Variants in FGGY observed in about 807,000 individuals in gnomAD.
FGGY encodes the protein FGGY carbohydrate kinase domain-containing protein.
In FGGY, 72 loss-of-function variants were observed where a neutral mutation model predicts 71.3. That is an observed-to-expected ratio of 1.01 (90% CI 0.84 to 1.23). FGGY has a LOEUF of 1.23. Ranked by LOEUF, FGGY falls within the 50% of genes most tolerant of loss-of-function variation. FGGY has a pLI of 0.00. For missense variants in FGGY, 668 were observed against 682.3 expected (o/e 0.98, Z 0.23); for synonymous variants, 251 against 250.3 (o/e 1.00, Z -0.02).
chr1:59,609,787 G>A (rs376649440), intron 9 of FGGY, among the ~76,000 whole-genome samples: 1 of 152,186 alleles, frequency 6.6e-6, no homozygotes, highest in South Asian at 2.1e-4. Context: ...CAAAGTAAAT[G>A]GAAGCATAGG....
intron 7 of FGGY, among the ~76,000 whole-genome samples, chr1:59,520,610 T>C (rs1170904048): frequency 6.6e-6 from 1 of 152,222 alleles, no homozygotes; most frequent in Non-Finnish European, 1.5e-5. Context: ...GAAATCCACA[T>C]AGCTGGTCTT....
At chr1:59,430,211 C>G (rs879495785) in intron 5 of FGGY, among the ~76,000 whole-genome samples, 1 of 152,126 alleles carries the variant, frequency 6.6e-6, no homozygotes, top group African/African-American at 2.4e-5. Context: ...AATTACTTGG[C>G]TTTTTCTGCC....
chr1:59,645,297 A>G (rs943325384), intron 11 of FGGY, among the ~76,000 whole-genome samples: 3 of 152,154 alleles, frequency 2.0e-5, no homozygotes, highest in South Asian at 2.1e-4. Context: ...CAGCACAACA[A>G]TGCCCTTGAA....
intron 5 of FGGY, among the ~76,000 whole-genome samples, chr1:59,447,427 A>G (rs2071542018): frequency 6.6e-6 from 1 of 152,186 alleles, no homozygotes; most frequent in Non-Finnish European, 1.5e-5. Context: ...GCCTGCAAAA[A>G]AGCAGATACT....
chr1:59,520,522 G>A (rs1485136859), intron 7 of FGGY, among the ~76,000 whole-genome samples: 1 of 152,136 alleles, frequency 6.6e-6, no homozygotes, highest in Non-Finnish European at 1.5e-5. Flanking sequence ...TCTCTATGCT[G>A]TATCTGTGAA....
chr1:59,601,820 A>C (rs72919617), intron 8 of FGGY, among the ~76,000 whole-genome samples: 11,367 of 152,286 alleles, frequency 0.075, 742 homozygotes, highest in African/African-American at 0.18. Context: ...CTGAATACTT[A>C]ATCAGCTAAT....
chr1:59,422,484 C>T (rs144138347), intron 5 of FGGY, among the ~76,000 whole-genome samples: 1,722 of 152,166 alleles, frequency 0.011, 38 homozygotes, highest in African/African-American at 0.04. Context: ...TGCTTGAGCC[C>T]AGGAGTTTGA....
intron 9 of FGGY, among the ~76,000 whole-genome samples, chr1:59,614,059 T>C (rs193174475): frequency 6.8e-4 from 104 of 152,316 alleles, no homozygotes; most frequent in Non-Finnish European, 1.6e-4. Flanking sequence ...AGCCGAATTC[T>C]ACCAGAGGTA....
At chr1:59,438,950 T>G (rs2069128302) in intron 5 of FGGY, among the ~76,000 whole-genome samples, 1 of 152,206 alleles carries the variant, frequency 6.6e-6, no homozygotes, top group East Asian at 1.9e-4. Context: ...GTTCTGCATC[T>G]TTGTCTATAA....
intron 8 of FGGY, among the ~76,000 whole-genome samples, chr1:59,573,675 T>C (rs889917688): frequency 2.0e-5 from 3 of 152,194 alleles, no homozygotes; most frequent in African/African-American, 7.2e-5. Flanking sequence ...GTGAAGGCCA[T>C]GCTTATATTT....
At chr1:59,671,379 G>T (rs1285349550) in intron 13 of FGGY, among the ~76,000 whole-genome samples, 2 of 152,234 alleles carry the variant, frequency 1.3e-5, no homozygotes, top group African/African-American at 4.8e-5. Context: ...CCACCCCTGG[G>T]CTCACAAGGG....
At chr1:59,464,606 A>G (rs1382889710) in intron 6 of FGGY, among the ~76,000 whole-genome samples, 1 of 152,208 alleles carries the variant, frequency 6.6e-6, no homozygotes, top group Non-Finnish European at 1.5e-5. Context: ...AAGATCAACA[A>G]AATTGATAGA....
intron 11 of FGGY, among the ~76,000 whole-genome samples, chr1:59,647,890 C>T (rs1271020790): frequency 1.0e-5 from 1 of 96,452 alleles, no homozygotes; most frequent in East Asian, 3.5e-4. Flanking sequence ...CAATGCTATC[C>T]CTCCCCCCTC....
intron 15 of FGGY, among the ~76,000 whole-genome samples, chr1:59,758,612 G>A (rs1403707373): frequency 6.6e-6 from 1 of 152,210 alleles, no homozygotes; most frequent in Non-Finnish European, 1.5e-5. Flanking sequence ...TTTGGGAGGA[G>A]GTTATGTCCA....
chr1:59,557,260 CA>C (rs1313727909), intron 8 of FGGY, among the ~76,000 whole-genome samples: 1 of 152,064 alleles, frequency 6.6e-6, no homozygotes, highest in Non-Finnish European at 1.5e-5. Flanking sequence ...GCGGGCTTTT[CA>C]AAAAGTGGTT....
At chr1:59,462,559 T>C (rs922207637) in intron 6 of FGGY, among the ~76,000 whole-genome samples, 5 of 152,192 alleles carry the variant, frequency 3.3e-5, no homozygotes, top group African/African-American at 1.2e-4. Context: ...AACCTACTTA[T>C]CTGACAAGGG....
chr1:59,437,402 G>A lies in FGGY; in HGVS notation c.555-19559G>A, dbSNP rs543845741. Among the ~76,000 whole-genome samples, 38 of 152,348 alleles carry A rather than the reference G, an allele frequency of 2.5e-4. 1 individual carries two copies. The highest frequency in any genetic ancestry group is 8.4e-4 in the African/African-American group (35 of 41,586). Reference sequence around the variant, plus strand: ...ACAGGCCAGGCACTGCGCTAAGCACGCAGTCTGCACCCCTTTAGACTGGCC... The same window carrying A: ...ACAGGCCAGGCACTGCGCTAAGCACACAGTCTGCACCCCTTTAGACTGGCC... On this transcript the variant is annotated intron_variant, in intron 5 of 15. Transcript: ENST00000303721.
chr1:59,475,706 A>G (rs2093231807), intron 6 of FGGY, among the ~76,000 whole-genome samples: 1 of 152,148 alleles, frequency 6.6e-6, no homozygotes, highest in African/African-American at 2.4e-5. Flanking sequence ...TCCAAAGTGG[A>G]CCCGGAATGA....
chr1:59,568,318 A>G (rs557321272), intron 8 of FGGY, among the ~76,000 whole-genome samples: 1 of 152,132 alleles, frequency 6.6e-6, no homozygotes, highest in African/African-American at 2.4e-5. Flanking sequence ...TCTCTTATTC[A>G]TCTGGCCTTT....
Sources: gnomAD v4.1 joint callset for allele counts (sites outside exome capture counted in the v4.1 genomes callset) on GRCh38, gnomAD v4.1.1 for gene constraint, MANE v1.5 for transcripts, NCBI Gene and HGNC (gene_info 2026-07-23, HGNC 2026-07-21) for gene names.